MPP7: variants seen among roughly 807,000 people sequenced by gnomAD.
MPP7 encodes MAGUK p55 subfamily member 7.
MPP7 carries 60 observed loss-of-function variants against 76.5 expected under a neutral mutation model. That is an observed-to-expected ratio of 0.78 (90% CI 0.64 to 0.97). MPP7 has a LOEUF of 0.97. Among genes scored for constraint, MPP7 ranks in the 50% least tolerant of loss-of-function variants. MPP7 has a pLI of 0.00. For synonymous variants in MPP7, 237 were observed against 244.5 expected, an observed-to-expected ratio of 0.97 and a Z score of 0.29; for missense variants, 641 against 694.0, an observed-to-expected ratio of 0.92 and a Z score of 0.86.
At chr10:28,091,052 C>T (rs1220718314) in intron 11 of MPP7, among the ~76,000 whole-genome samples, 1 of 152,000 alleles carries the variant, frequency 6.6e-6, no homozygotes, top group East Asian at 1.9e-4. Flanking sequence ...GAGGCTGAGA[C>T]AGGAGAATCG....
chr10:28,105,191 T>C (rs1031455678), intron 11 of MPP7, among the ~76,000 whole-genome samples: 1 of 142,938 alleles, frequency 7.0e-6, no homozygotes, highest in African/African-American at 2.6e-5. Flanking sequence ...AAAAACCCTG[T>C]CAAAGCCAGG....
intron 1 of MPP7, among the ~76,000 whole-genome samples, chr10:28,251,439 G>C (rs868721843): frequency 6.6e-6 from 1 of 151,908 alleles, no homozygotes; most frequent in Non-Finnish European, 1.5e-5. Flanking sequence ...TCCAGCCTAA[G>C]TGACAGAACA....
intron 5 of MPP7, among the ~76,000 whole-genome samples, chr10:28,136,570 G>T (rs1297624030): frequency 6.6e-6 from 1 of 151,990 alleles, no homozygotes; most frequent in Non-Finnish European, 1.5e-5. Context: ...AAATTACACA[G>T]ATAGCAGACA....
chr10:28,089,815 T>C lies in MPP7; in HGVS notation c.979A>G (p.Ser327Gly), dbSNP rs779452638. Residue 327 changes from serine to glycine, a missense_variant, in exon 12 of 17, where the codon AGT (serine) becomes GGT (glycine). Physicochemically the swap from Ser to Gly is moderately conservative, Grantham distance 56. Coordinates refer to ENST00000683449, the MANE Select transcript of MPP7 (RefSeq NM_001318170.2). ...TTATTTGTTTTCTTATCTTTTCTAC[T>C]AAGACGAAAACTTTTTCTAAAACCA... Reference protein sequence around the residue: ...SSGFRKSFRLSRKDKKTNKSM... With the variant: ...SSGFRKSFRLGRKDKKTNKSM... 4 of 1,573,624 alleles carry C rather than the reference T, an allele frequency of 2.5e-6. No individual in the cohort carries two copies. The highest frequency in any genetic ancestry group is 3.5e-6 in the Non-Finnish European group (4 of 1,147,906).
intron 1 of MPP7, among the ~76,000 whole-genome samples, chr10:28,241,162 A>G (rs968430180): frequency 2.0e-5 from 3 of 152,176 alleles, no homozygotes; most frequent in Non-Finnish European, 2.9e-5. Flanking sequence ...AGAATTTCAT[A>G]CAATTTGAAA....
intron 8 of MPP7, among the ~76,000 whole-genome samples, chr10:28,122,642 G>C (rs575830922): frequency 6.6e-6 from 1 of 152,146 alleles, no homozygotes; most frequent in Admixed American, 6.5e-5. Flanking sequence ...CATCACCTTC[G>C]TGTCTCCAGA....
intron 12 of MPP7, among the ~76,000 whole-genome samples, chr10:28,073,771 G>T (rs1852351103): frequency 6.7e-6 from 1 of 148,898 alleles, no homozygotes; most frequent in Admixed American, 6.7e-5. Context: ...TGCATCTCAA[G>T]AAAAAAAAAA....
At chr10:28,059,616 A>T (rs1407513924) in intron 14 of MPP7, 34 bp downstream of exon 14, 36 of 1,430,620 alleles carry the variant, frequency 2.5e-5, no homozygotes, top group Non-Finnish European at 3.3e-5. Flanking sequence ...TATAAAAAAC[A>T]GTCACATGAA....
intron 3 of MPP7, among the ~76,000 whole-genome samples, chr10:28,165,889 GT>G (rs1267021298): frequency 2.6e-5 from 4 of 152,036 alleles, no homozygotes; most frequent in Non-Finnish European, 4.4e-5. Flanking sequence ...GCTGGGCGTG[GT>G]GGCGCATGCC....
intron 2 of MPP7, among the ~76,000 whole-genome samples, chr10:28,315,021 A>G (rs1841310329): frequency 6.6e-6 from 1 of 151,916 alleles, no homozygotes; most frequent in African/African-American, 2.4e-5. Flanking sequence ...GGTGGTACAC[A>G]CCTGTAGAAC....
intron 12 of MPP7, among the ~76,000 whole-genome samples, chr10:28,082,888 T>A (rs1461408506): frequency 6.6e-6 from 1 of 152,198 alleles, no homozygotes; most frequent in Non-Finnish European, 1.5e-5. Context: ...TGCACCACTA[T>A]GCTGGGCAAT....
chr10:28,118,059 T>C (rs1834713065), intron 11 of MPP7: 9 of 964,188 alleles, frequency 9.3e-6, no homozygotes, highest in Non-Finnish European at 1.1e-5. Context: ...TCAGTAAAGA[T>C]AAATGCTAGA....
At chr10:28,270,602 G>C (rs113504392) in intron 1 of MPP7, among the ~76,000 whole-genome samples, 1 of 150,484 alleles carries the variant, frequency 6.6e-6, no homozygotes, top group African/African-American at 2.5e-5. Flanking sequence ...GGAAAGGCAC[G>C]TGTGCCTACT....
At chr10:28,128,739 G>A (rs1348158151) in intron 6 of MPP7, among the ~76,000 whole-genome samples, 1 of 152,194 alleles carries the variant, frequency 6.6e-6, no homozygotes, top group African/African-American at 2.4e-5. Context: ...TGTGAAAATT[G>A]AGATGTCTAT....
intron 3 of MPP7, among the ~76,000 whole-genome samples, chr10:28,164,874 G>C (rs1405000807): frequency 6.6e-6 from 1 of 152,104 alleles, no homozygotes; most frequent in Non-Finnish European, 1.5e-5. Context: ...TGCTGTTTGG[G>C]TGATGGTTAC....
intron 2 of MPP7, among the ~76,000 whole-genome samples, chr10:28,322,656 CTG>C (rs1352097615): frequency 1.3e-5 from 2 of 152,192 alleles, no homozygotes; most frequent in Admixed American, 1.3e-4. Flanking sequence ...CAGCCACACT[CTG>C]TCACTTCTCC....
intron 15 of MPP7, chr10:28,057,695 G>A (rs1851616231): frequency 3.2e-6 from 4 of 1,253,270 alleles, no homozygotes; most frequent in South Asian, 2.5e-5. Context: ...CTAACACAGT[G>A]CCCAAGTCAG....
intron 11 of MPP7, among the ~76,000 whole-genome samples, chr10:28,108,628 T>C (rs1401636240): frequency 6.6e-6 from 1 of 151,678 alleles, no homozygotes; most frequent in Non-Finnish European, 1.5e-5. Flanking sequence ...CTGCACTCCA[T>C]ACTGGGTGAC....
At chr10:28,293,085 T>C (rs943376873) in intron 1 of MPP7, among the ~76,000 whole-genome samples, 1 of 140,558 alleles carries the variant, frequency 7.1e-6, no homozygotes, top group African/African-American at 2.6e-5. Context: ...AAATTAAAGA[T>C]TCCGTTTAAT....
Sources: allele counts gnomAD v4.1 joint callset (sites outside exome capture counted in the v4.1 genomes callset), GRCh38; gene constraint gnomAD v4.1.1; transcripts MANE v1.5; gene names NCBI Gene and HGNC (gene_info 2026-07-23, HGNC 2026-07-21).